Variants in DOCK6 observed in about 807,000 individuals in gnomAD.
DOCK6 encodes dedicator of cytokinesis 6, also known as dedicator of cytokinesis protein 6.
A neutral mutation model predicts 230.3 loss-of-function variants in DOCK6; 167 were observed. The ratio of observed to expected loss-of-function variants is 0.73; its 90% CI spans 0.64 to 0.82. DOCK6 has a LOEUF of 0.82. Among genes scored for constraint, DOCK6 ranks in the 40% least tolerant of loss-of-function variants. The pLI, the probability that DOCK6 is intolerant of heterozygous loss-of-function variation, is 0.00. For missense variants in DOCK6, 2,598 were observed against 2,825.8 expected (o/e 0.92, Z 1.83); for synonymous variants, 1,148 against 1,185.0 (o/e 0.97, Z 0.64).
intron 28 of DOCK6, 138 bp downstream of exon 28, chr19:11,221,713 C>A: frequency 7.4e-7 from 1 of 1,342,664 alleles, no homozygotes; most frequent in South Asian, 1.3e-5. Context: ...AGTAGTCTGT[C>A]CTAGCACTTT....
chr19:11,262,386 G>A lies in DOCK6; in HGVS notation c.44+11C>T, dbSNP rs1459215721. 1.6e-6 allele frequency: 2 copies of A among 1,280,620 alleles called. No homozygotes were observed. The highest frequency in any genetic ancestry group is 2.0e-6 in the Non-Finnish European group (2 of 1,012,312). 79.3% of individuals were successfully genotyped at this position (1,280,620 alleles called of 1,614,324 possible). ...TGGGGGAGGTGGGAGGGGGCCCCGCGGCCACACTACCTGTTGATCTTGTGC... is the reference window on the plus strand; with the variant it reads ...TGGGGGAGGTGGGAGGGGGCCCCGCAGCCACACTACCTGTTGATCTTGTGC... On this transcript the variant is annotated intron_variant, in intron 1 of 47. Coordinates refer to ENST00000294618, the MANE Select transcript of DOCK6 (RefSeq NM_020812.4).
chr19:11,200,478 C>T lies in DOCK6; in HGVS notation c.5940-9G>A, dbSNP rs1357538961. On this transcript the variant is annotated splice_polypyrimidine_tract_variant and intron_variant, in intron 46 of 47. Transcript: ENST00000294618. The surrounding 1 kb of genome is among the most constrained non-coding windows in gnomAD (Gnocchi z 4.3). ...GCAGCGCATCCTCACATCTGAGGGC[C>T]AGAGGGTGGGAGATGCTCAGAGACT... The T allele has an allele frequency of 3.1e-6, 5 of 1,607,814 alleles. No individual in the cohort carries two copies. In the South Asian group the frequency reaches 3.3e-5, roughly 11 times the overall value.
rs147794654 is a variant in DOCK6, at chr19:11,254,613, C to A, written c.45-887G>T. Among the ~76,000 whole-genome samples, 473 of 151,272 alleles carry A rather than the reference C, an allele frequency of 3.1e-3. 9 individuals carry two copies. Among genetic ancestry groups the A allele is most frequent in the African/African-American group, 0.011 (439 of 41,206 alleles). ...AGGAGAATCGCTTGAACCCGGGAGG[C>A]GCAGGTTGCAATGAGTCGAGATCGC... is the stretch of plus-strand genomic sequence containing the variant. On this transcript the variant is annotated intron_variant, in intron 1 of 47. Coordinates refer to ENST00000294618, the MANE Select transcript of DOCK6 (RefSeq NM_020812.4).
At chr19:11,251,446 GGA>G (rs1361377559) in intron 5 of DOCK6, 2 of 203,654 alleles carry the variant, frequency 9.8e-6, no homozygotes, top group Non-Finnish European at 2.0e-5. Context: ...CGCCAGGGAA[GGA>G]GAGAGTTCTT....
intron 1 of DOCK6, among the ~76,000 whole-genome samples, chr19:11,260,909 AAAAGAAAAAGAAAAGG>A (rs1288786594): frequency 1.3e-5 from 2 of 149,212 alleles, no homozygotes; most frequent in African/African-American, 2.5e-5. Flanking sequence ...AGAAAGAAAG[AAAAGAAAAAGAAAAGG>A]AAAGAAAAAG....
At position 11,202,421 on chromosome 19, in the gene DOCK6, C is replaced by T. The variant is rs1356727054; in HGVS notation, c.5424G>A (p.Val1808=). Residue 1808 remains valine, a synonymous_variant, in exon 43 of 48, where the codon GTG becomes GTA. Transcript: ENST00000294618. This position sits in a 1 kb window ranked among gnomAD's most constrained non-coding sequence, Gnocchi z 5.3. The part of the protein sequence containing the change: ...VVEIIKDSNP[V]DKSKLDSQKA... ...TTTGTGAGTCAAGCTTGGACTTGTC[C>T]ACAGGGTTAGAGTCTTTGATAATCT... is the stretch of plus-strand genomic sequence containing the variant. 1 of 1,613,822 alleles carries T rather than the reference C, an allele frequency of 6.2e-7. No individual in the cohort carries two copies. Among genetic ancestry groups the T allele is most frequent in the African/African-American group, 1.3e-5 (1 of 75,054 alleles).
rs773139690 is a variant in DOCK6 at position 11,202,709 on chromosome 19, G to A, written c.5236C>T (p.Arg1746Cys). Residue 1746 changes from arginine (R) to cysteine (C), a missense_variant and splice_region_variant, in exon 42 of 48, where the codon CGC becomes TGC. Arg to Cys is a radical substitution (Grantham distance 180, BLOSUM62 -3). Transcript: ENST00000294618. The surrounding 1 kb of genome is among the most constrained non-coding windows in gnomAD (Gnocchi z 5.3). ...KIMHQSSGWE[R>C]VFGTYFRVGF... ...ACGCGGAAATACGTCCCGAACACGC[G>A]CTGGGGCTGTGAGAAAGGGTGTGGT... 4.3e-6 allele frequency: 7 copies of A among 1,613,622 alleles called. No individual in the cohort carries two copies. The highest frequency in any genetic ancestry group is 2.7e-5 in the African/African-American group (2 of 74,958).
At position 11,236,104 on chromosome 19, in the gene DOCK6, T is replaced by A. The variant is rs1414980766; in HGVS notation, c.2392+242A>T. 2 of 557,980 alleles carry A rather than the reference T, an allele frequency of 3.6e-6. No individual in the cohort carries two copies. Among genetic ancestry groups the A allele is most frequent in the East Asian group, 6.1e-5 (2 of 32,718 alleles). 34.6% of individuals were successfully genotyped at this position (557,980 alleles called of 1,614,324 possible). ...CATGTTGGTCAGGCTGGTCTCAAAC[T>A]CTCGACCTCAGGTGATCTGCCCGCC... On this transcript the variant is annotated intron_variant, in intron 20 of 47. Transcript: ENST00000294618. This position sits in a 1 kb window ranked among gnomAD's most constrained non-coding sequence, Gnocchi z 5.2.
At position 11,253,252 on chromosome 19, in the gene DOCK6, C is replaced by G. The variant is rs142754782; in HGVS notation, c.133-294G>C. Among the ~76,000 whole-genome samples the G allele has an allele frequency of 1.6e-4, 24 of 152,210 alleles. No individual in the cohort carries two copies. The East Asian group carries it at 4.2e-3, about 27-fold the overall frequency. ...GAAAGAAATGTTGACAGAGGCCAGG[C>G]AAGAGACAATTCCTAAAGCCTCCGC... On this transcript the variant is annotated intron_variant, in intron 2 of 47. Transcript: ENST00000294618.
rs771627987 is a variant in DOCK6, at chr19:11,213,173, C to CA, written c.4491+2dup. On this transcript the variant is annotated splice_region_variant and intron_variant, in intron 35 of 47. Coordinates refer to ENST00000294618, the MANE Select transcript of DOCK6 (RefSeq NM_020812.4). ...TGGACCATGCCTCCTAGCCCCCACT[C>CA]ACGTGGCCGATCTCGAAGTTCTGTC... 10 of 1,611,028 alleles carry CA rather than the reference C, an allele frequency of 6.2e-6. No homozygotes were observed. The highest frequency in any genetic ancestry group is 7.6e-6 in the Non-Finnish European group (9 of 1,178,370).
chr19:11,236,730 T>C lies in DOCK6; in HGVS notation c.2160+63A>G. 1 of 1,541,846 alleles carries C rather than the reference T, an allele frequency of 6.5e-7. No homozygotes were observed. Among genetic ancestry groups the C allele is most frequent in the Non-Finnish European group, 8.8e-7 (1 of 1,139,172 alleles). On this transcript the variant is annotated intron_variant, in intron 19 of 47. Transcript: ENST00000294618. The surrounding 1 kb of genome is among the most constrained non-coding windows in gnomAD (Gnocchi z 5.2). Reference sequence around the variant, plus strand: ...CTCCCCGGCCATCGGCAACTGTTACTCAATCGTAGGGCAGGCAAGAGGGGA... The same window carrying C: ...CTCCCCGGCCATCGGCAACTGTTACCCAATCGTAGGGCAGGCAAGAGGGGA...
chr19:11,232,682 T>G (rs1024612383), intron 22 of DOCK6, among the ~76,000 whole-genome samples: 1 of 151,710 alleles, frequency 6.6e-6, no homozygotes, highest in Non-Finnish European at 1.5e-5. Flanking sequence ...ATGGGGTGAA[T>G]ATGTATACAC....
At chr19:11,223,145 C>G in intron 24 of DOCK6, 39 bp from the exon 25 acceptor site, 1 of 1,590,662 alleles carries the variant, frequency 6.3e-7, no homozygotes, top group Non-Finnish European at 8.6e-7. Flanking sequence ...ACACCCAAAC[C>G]TCAGCCCCGA....
At chr19:11,240,320 T>C in intron 14 of DOCK6, 1 of 1,526,640 alleles carries the variant, frequency 6.6e-7, no homozygotes. Context: ...CCAACCCTAG[T>C]GGGCTGAGAC....
Position 11,235,675 on chromosome 19 carries a change from C to T in DOCK6, c.2477G>A (p.Arg826His), listed in dbSNP as rs760166822. The T allele has an allele frequency of 1.9e-5, 31 of 1,602,254 alleles. 1 individual carries two copies. Among genetic ancestry groups the T allele is most frequent in the South Asian group, 1.1e-4 (10 of 88,618 alleles). Residue 826 changes from arginine (R) to histidine (H), a missense_variant, in exon 21 of 48, where the codon CGC becomes CAC. Coordinates refer to ENST00000294618, the MANE Select transcript of DOCK6 (RefSeq NM_020812.4). ...GGCAGCCAGCTGTGGGCAGTGACCG[C>T]GGGCATCCTGGGCTGCCTCCAGGCT... ...HRSLEAAQDARGHCPQLAAYV... is the reference protein window; with the variant it reads ...HRSLEAAQDAHGHCPQLAAYV...
chr19:11,239,564 C>G (rs1002643598), intron 14 of DOCK6: 63 of 1,567,082 alleles, frequency 4.0e-5, no homozygotes, highest in Non-Finnish European at 5.0e-5. Flanking sequence ...TAACGATTGA[C>G]TGGGGATCAG....
intron 7 of DOCK6, among the ~76,000 whole-genome samples, chr19:11,246,261 T>C (rs959881255): frequency 1.3e-5 from 2 of 151,642 alleles, no homozygotes; most frequent in Non-Finnish European, 2.9e-5. Context: ...AGAGACAGGG[T>C]TTCTATGTAT....
Position 11,242,112 on chromosome 19 carries a change from C to T in DOCK6, c.1576G>A (p.Gly526Ser). 1 of 1,518,034 alleles carries T rather than the reference C, an allele frequency of 6.6e-7. No homozygotes were observed. The highest frequency in any genetic ancestry group is 8.8e-7 in the Non-Finnish European group (1 of 1,135,970). 94.0% of individuals were successfully genotyped at this position (1,518,034 alleles called of 1,614,324 possible). A position where few individuals can be genotyped will look rare whatever the true frequency, so the allele number is the denominator to read the frequency against. The change falls in exon 14 of 48, where the codon GGC becomes AGC. Residue 526 changes from glycine (G) to serine (S), a missense_variant. Coordinates refer to ENST00000294618, the MANE Select transcript of DOCK6 (RefSeq NM_020812.4). ...TCCAGAATCTCCTTGGTGGGCCGGC[C>T]CCTGGGGTCCGGGTAGGGCTTGATA... is the stretch of plus-strand genomic sequence containing the variant. Reference protein sequence around the residue: ...LHIKPYPDPRGRPTKEILEFP... With the variant: ...LHIKPYPDPRSRPTKEILEFP...
In DOCK6 at chr19:11,243,362, G is replaced by A; in HGVS notation, c.1282C>T (p.Arg428Cys). 1.9e-6 allele frequency: 3 copies of A among 1,601,236 alleles called. No individual in the cohort carries two copies. Among genetic ancestry groups the A allele is most frequent in the Non-Finnish European group, 1.7e-6 (2 of 1,174,664 alleles). Residue 428 changes from arginine to cysteine, a missense_variant, in exon 12 of 48, where the codon CGC becomes TGC. Transcript: ENST00000294618. The surrounding 1 kb of genome is among the most constrained non-coding windows in gnomAD (Gnocchi z 6.3). Reference sequence around the variant, plus strand: ...CGGTCCTGGGGCCCCCGACGGCGGCGGTCTGTCCAGGCTGGCCGGCGCTCT... The same window carrying A: ...CGGTCCTGGGGCCCCCGACGGCGGCAGTCTGTCCAGGCTGGCCGGCGCTCT... ...EGERRPAWTD[R>C]RRRGPQDRAS...
Sources: gnomAD v4.1 joint callset for allele counts (sites outside exome capture counted in the v4.1 genomes callset) on GRCh38, gnomAD v4.1.1 for gene constraint, Gnocchi (gnomAD v3.1) non-coding constraint, MANE v1.5 for transcripts, NCBI Gene and HGNC (gene_info 2026-07-23, HGNC 2026-07-21) for gene names.